Variants in LTF observed in about 807,000 individuals in gnomAD.
LTF encodes the protein epididymis luminal protein 110.
Under a neutral mutation model 87.2 loss-of-function variants are expected in LTF, and 91 were observed. The observed-to-expected ratio is 1.04, with a 90% confidence interval of 0.88 to 1.24. The LOEUF is 1.24. Among genes scored for constraint, LTF ranks in the 50% most tolerant of loss-of-function variants. The probability of loss-of-function intolerance (pLI) is 0.00; values close to 1 mark genes in which losing one functional copy is unlikely to be tolerated. For synonymous variants in LTF, 378 were observed against 356.1 expected, an observed-to-expected ratio of 1.06 and a Z score of -0.69; for missense variants, 901 against 904.3, an observed-to-expected ratio of 1.00 and a Z score of 0.05.
chr3:46,468,702 C>T (rs1426082295), upstream of LTF, among the ~76,000 whole-genome samples: 1 of 152,204 alleles, frequency 6.6e-6, no homozygotes, highest in East Asian at 1.9e-4. Context: ...GCAGAAAAGG[C>T]CTTCCTGAGA....
rs139298219 is a variant in LTF, at chr3:46,443,509, G to A, written c.1587C>T (p.Asp529=). 6.4e-5 allele frequency: 103 copies of A among 1,613,954 alleles called. No individual in the cohort carries two copies. Among genetic ancestry groups the A allele is most frequent in the East Asian group, 3.6e-4 (16 of 44,896 alleles). The change falls in exon 13 of 17, where the codon GAC becomes GAT. Residue 529 remains aspartate (D), a synonymous_variant. Transcript: ENST00000231751. ...RSNLCALCIG[D]EQGENKCVPN... is the part of the protein sequence containing the mutation. ...GCACGCACTTATTCTCACCCTGCTC[G>A]TCGCCAATACACAGAGCACAGAGAT...
intron 6 of LTF, among the ~76,000 whole-genome samples, chr3:46,451,654 G>T (rs1202381942): frequency 2.0e-5 from 3 of 152,180 alleles, no homozygotes. Flanking sequence ...GAATGCAGTG[G>T]TGCGATCTCA....
At chr3:46,442,120 GT>G (rs1196693390) in intron 13 of LTF, among the ~76,000 whole-genome samples, 1 of 152,030 alleles carries the variant, frequency 6.6e-6, no homozygotes, top group African/African-American at 2.4e-5. Context: ...CAAAAAGTTT[GT>G]ACAATAAGGG....
chr3:46,466,879 T>A (rs1703222686), upstream of LTF, among the ~76,000 whole-genome samples: 2 of 152,202 alleles, frequency 1.3e-5, no homozygotes, highest in African/African-American at 2.4e-5. Context: ...TCATAACCCG[T>A]GTCTCTTTTT....
In LTF at chr3:46,478,981, C is replaced by CAG. The variant is rs1442128930; in HGVS notation, c.-320+6003_-320+6004dup. Among the ~76,000 whole-genome samples, 38 of 152,204 alleles carry CAG rather than the reference C, an allele frequency of 2.5e-4. 1 individual carries two copies. The highest frequency in any genetic ancestry group is 2.5e-3 in the Admixed American group (38 of 15,288). On this transcript the variant is annotated intron_variant, in intron 1 of 19. Transcript: ENST00000443496. ...GTTCCCTCAACTAAAGCCATCCTCA[C>CAG]AGAGCATTTATCCTGGACCAGGTCC...
chr3:46,443,412 A>G (rs1442522901), intron 13 of LTF, 29 bp downstream of exon 13: 6 of 1,613,360 alleles, frequency 3.7e-6, no homozygotes, highest in African/African-American at 1.3e-5. Context: ...GTAAGTCCCC[A>G]TCCTGATGGA....
chr3:46,482,930 CT>C (rs1703471160), intron 1 of LTF, among the ~76,000 whole-genome samples: 1 of 152,170 alleles, frequency 6.6e-6, no homozygotes, highest in African/African-American at 2.4e-5. Context: ...TTCTCTATCA[CT>C]TTCTTAAGTC....
At chr3:46,436,401 G>T (rs1211305716) in intron 16 of LTF, among the ~76,000 whole-genome samples, 172 bp from the exon 17 acceptor site, 1 of 152,238 alleles carries the variant, frequency 6.6e-6, no homozygotes, top group East Asian at 1.9e-4. Context: ...CGACTACGGT[G>T]TTCAAGGGAG....
intron 1 of LTF, among the ~76,000 whole-genome samples, chr3:46,484,572 T>C (rs76646645): frequency 1.8e-4 from 27 of 152,298 alleles, no homozygotes; most frequent in African/African-American, 6.5e-4. Flanking sequence ...AAGAAGGGCC[T>C]GGAATGTTCT....
chr3:46,482,082 A>G (rs1703437467), intron 1 of LTF, among the ~76,000 whole-genome samples: 1 of 152,084 alleles, frequency 6.6e-6, no homozygotes, highest in Non-Finnish European at 1.5e-5. Flanking sequence ...GATACTGGAG[A>G]AATATTTTCT....
At chr3:46,480,270 G>A (rs987866660) in intron 1 of LTF, among the ~76,000 whole-genome samples, 2 of 152,182 alleles carry the variant, frequency 1.3e-5, no homozygotes, top group African/African-American at 2.4e-5. Context: ...ACAAATTGCT[G>A]TGTCCAGCTC....
At chr3:46,466,726 C>T (rs994917047), upstream of LTF, among the ~76,000 whole-genome samples, 1 of 152,172 alleles carries the variant, frequency 6.6e-6, no homozygotes, top group African/African-American at 2.4e-5. Flanking sequence ...TTAAAGTTGC[C>T]ATCATCAATA....
chr3:46,442,192 T>C (rs1412667377), intron 13 of LTF, among the ~76,000 whole-genome samples: 1 of 152,052 alleles, frequency 6.6e-6, no homozygotes, highest in Non-Finnish European at 1.5e-5. Flanking sequence ...ATTAGCGTGT[T>C]GGGTGCTGAA....
At chr3:46,463,604 G>A (rs543453124) in intron 1 of LTF, 61 of 985,462 alleles carry the variant, frequency 6.2e-5, no homozygotes, top group Middle Eastern at 5.2e-4. Context: ...CTCAGTAGGC[G>A]CCAAAACAAC....
Position 46,442,398 on chromosome 3 carries a change from T to C in LTF, c.1656-915A>G, listed in dbSNP as rs528594081. Among the ~76,000 whole-genome samples the C allele has an allele frequency of 1.2e-4, 19 of 152,162 alleles. No individual in the cohort carries two copies. In the South Asian group the frequency reaches 3.9e-3, roughly 32 times the overall value. ...CTATAAATTTCCCCAATCTAGATTC[T>C]AGATATAATTTAAACAAAAGACAAG... is the stretch of plus-strand genomic sequence containing the variant. On this transcript the variant is annotated intron_variant, in intron 13 of 16. Coordinates refer to ENST00000231751, the MANE Select transcript of LTF (RefSeq NM_002343.6).
At position 46,480,763 on chromosome 3, in the gene LTF, C is replaced by A. The variant is rs545614975; in HGVS notation, c.-320+4223G>T. On this transcript the variant is annotated intron_variant, in intron 1 of 19. Coordinates refer to the LTF transcript ENST00000443496. ...TCTGCATTGCCCACCATTGTCAGTA[C>A]ACAAAAGAACGTATTGAGACTAGAT... 2.0e-5 allele frequency among the ~76,000 whole-genome samples: 3 copies of A among 152,256 alleles called. No individual in the cohort carries two copies. In the East Asian group the frequency reaches 5.8e-4, roughly 29 times the overall value.
intron 1 of LTF, among the ~76,000 whole-genome samples, chr3:46,477,513 C>G (rs1004214746): frequency 6.6e-6 from 1 of 152,240 alleles, no homozygotes; most frequent in African/African-American, 2.4e-5. Flanking sequence ...AGCTCTACCT[C>G]TTCCCCACTC....
chr3:46,436,584 A>T (rs1173856052), intron 16 of LTF, among the ~76,000 whole-genome samples: 1 of 152,244 alleles, frequency 6.6e-6, no homozygotes, highest in Non-Finnish European at 1.5e-5. Context: ...GTTCACCTGC[A>T]GATTCACTCA....
At position 46,443,549 on chromosome 3, in the gene LTF, G is replaced by A; in HGVS notation, c.1547C>T (p.Ser516Phe). ...AGCACAGAGATTAGATCTCGGGTCA[G>A]ACCCAGGGGCACAGCTTTGACTGAA... Reference protein sequence around the residue: ...EYFSQSCAPGSDPRSNLCALC... With the variant: ...EYFSQSCAPGFDPRSNLCALC... Residue 516 changes from serine (S) to phenylalanine (F), a missense_variant, in exon 13 of 17, where the codon TCT becomes TTT. Ser to Phe is a radical substitution (Grantham distance 155). Transcript: ENST00000231751. 1 of 1,613,974 alleles carries A rather than the reference G, an allele frequency of 6.2e-7. No homozygotes were observed. Among genetic ancestry groups the A allele is most frequent in the Middle Eastern group, 1.6e-4 (1 of 6,062 alleles).
Sources: allele counts gnomAD v4.1 joint callset (sites outside exome capture counted in the v4.1 genomes callset), GRCh38; gene constraint gnomAD v4.1.1; transcripts MANE v1.5; gene names NCBI Gene and HGNC (gene_info 2026-07-23, HGNC 2026-07-21).